ACOT1: variants seen among roughly 807,000 people sequenced by gnomAD.
ACOT1 encodes the protein acyl-coenzyme A thioesterase 1.
A neutral mutation model predicts 15.7 loss-of-function variants in ACOT1; 8 were observed. The ratio of observed to expected loss-of-function variants is 0.51; its 90% CI spans 0.30 to 0.92. The LOEUF is 0.92. Among genes scored for constraint, ACOT1 ranks in the 40% least tolerant of loss-of-function variants. ACOT1 has a pLI of 0.06. For missense variants in ACOT1, 151 were observed against 539.4 expected (o/e 0.28, Z 7.13); for synonymous variants, 67 against 241.2 (o/e 0.28, Z 6.69).
At chr14:73,535,691 G>T (rs1888846141), upstream of ACOT1, among the ~76,000 whole-genome samples, 2 of 111,634 alleles carry the variant, frequency 1.8e-5, 1 homozygote, top group South Asian at 5.7e-4. Flanking sequence ...GTGTTAGCCA[G>T]GATGGTGTCG....
chr14:73,533,787 C>T (rs1406565246), upstream of ACOT1, among the ~76,000 whole-genome samples: 24 of 105,804 alleles, frequency 2.3e-4, 10 homozygotes, highest in Admixed American at 2.5e-3. Flanking sequence ...GCAGCTCATG[C>T]GTGTAATTCT....
chr14:73,493,594 T>G, the ACOT1 span, among the ~76,000 whole-genome samples: 20 of 152,136 alleles, frequency 1.3e-4, no homozygotes, highest in African/African-American at 4.8e-4. Context: ...TCCTAGCACT[T>G]TAGGAGGCCG....
At chr14:73,508,226 T>G in the ACOT1 span, 1 of 1,614,066 alleles carries the variant, frequency 6.2e-7, no homozygotes, top group Non-Finnish European at 8.5e-7. Flanking sequence ...ATCCTCTTAA[T>G]CACAGGGTAA....
chr14:73,499,058 ACTT>A, the ACOT1 span: 11 of 1,610,968 alleles, frequency 6.8e-6, no homozygotes, highest in African/African-American at 1.3e-4. Context: ...TTGGGGCACT[ACTT>A]CTATAATACC....
the ACOT1 span, among the ~76,000 whole-genome samples, chr14:73,507,595 G>C: frequency 6.6e-6 from 1 of 151,814 alleles, no homozygotes; most frequent in African/African-American, 2.4e-5. Context: ...CACCATGCCT[G>C]ACTAATTTTA....
At chr14:73,517,010 C>G in the ACOT1 span, among the ~76,000 whole-genome samples, 1 of 152,320 alleles carries the variant, frequency 6.6e-6, no homozygotes, top group South Asian at 2.1e-4. Flanking sequence ...GGTACAGTGG[C>G]TCATGCCTAT....
chr14:73,537,275 T>C lies in ACOT1; in HGVS notation c.-147T>C. ...ATTTGGTCTGGCTGATCGGCTGGAC[T>C]CTGGCCTTCCCCGCTCACATTAGCA... is the stretch of plus-strand genomic sequence containing the variant. On this transcript the variant is annotated 5_prime_UTR_variant, in exon 1 of 3. Coordinates refer to ENST00000311148, the MANE Select transcript of ACOT1 (RefSeq NM_001037161.2). 1 of 716,748 alleles carries C rather than the reference T, an allele frequency of 1.4e-6. No homozygotes were observed. The highest frequency in any genetic ancestry group is 2.1e-5 in the South Asian group (1 of 48,632). The allele number at this position is 716,748 out of a possible 1,614,324, so 44.4% of individuals were successfully genotyped here.
the ACOT1 span, chr14:73,523,065 T>A: frequency 3.1e-6 from 5 of 1,613,778 alleles, no homozygotes; most frequent in Non-Finnish European, 3.4e-6. Flanking sequence ...TTTGAGTAGT[T>A]TAAAATCATG....
chr14:73,524,310 A>AAAAAATATATATATATATATAT, the ACOT1 span, among the ~76,000 whole-genome samples: 3 of 54,780 alleles, frequency 5.5e-5, no homozygotes, highest in African/African-American at 1.8e-4. Flanking sequence ...AAAAAAAAAA[A>AAAAAATATATATATATATATAT]ATATATATAT....
chr14:73,524,028 C>T, the ACOT1 span, among the ~76,000 whole-genome samples: 3 of 151,954 alleles, frequency 2.0e-5, no homozygotes, highest in East Asian at 1.9e-4. Context: ...CAGTGGCTCA[C>T]GCCTGTAATC....
intron 1 of ACOT1, among the ~76,000 whole-genome samples, chr14:73,540,739 ATTC>A (rs1158822670): frequency 9.6e-6 from 1 of 103,812 alleles, no homozygotes; most frequent in Non-Finnish European, 1.9e-5. Context: ...AGGTGTTTGC[ATTC>A]TTTTTTTTTT....
At chr14:73,509,995 TC>T in the ACOT1 span, among the ~76,000 whole-genome samples, 44 of 150,622 alleles carry the variant, frequency 2.9e-4, no homozygotes, top group African/African-American at 1.0e-3. Context: ...TGCCTCAGCC[TC>T]CCGAGTAGCT....
the ACOT1 span, chr14:73,523,319 T>A: frequency 1.5e-5 from 9 of 619,892 alleles, no homozygotes; most frequent in Non-Finnish European, 2.2e-5. Flanking sequence ...GAAAAACAGA[T>A]GGAAAGGGGG....
At chr14:73,531,899 G>A in the ACOT1 span, among the ~76,000 whole-genome samples, 1 of 113,804 alleles carries the variant, frequency 8.8e-6, no homozygotes, top group Non-Finnish European at 1.9e-5. Context: ...GGGCCTGGTG[G>A]CGCATGCCTG....
At chr14:73,506,786 C>T in the ACOT1 span, among the ~76,000 whole-genome samples, 6 of 119,662 alleles carry the variant, frequency 5.0e-5, no homozygotes, top group South Asian at 1.4e-3. Flanking sequence ...CTGGGACCTT[C>T]CTTTCCTGAC....
At chr14:73,540,742 C>CT (rs200357086) in intron 1 of ACOT1, among the ~76,000 whole-genome samples, 6,456 of 81,028 alleles carry the variant, frequency 0.08, 123 homozygotes, top group African/African-American at 0.13. Flanking sequence ...TGTTTGCATT[C>CT]TTTTTTTTTT....
the ACOT1 span, among the ~76,000 whole-genome samples, chr14:73,494,253 C>T: frequency 6.6e-6 from 1 of 152,130 alleles, no homozygotes; most frequent in Non-Finnish European, 1.5e-5. Context: ...ACCAGAAGAC[C>T]TGGGTTTGGG....
chr14:73,518,466 G>A, the ACOT1 span, among the ~76,000 whole-genome samples: 1 of 151,902 alleles, frequency 6.6e-6, no homozygotes, highest in Admixed American at 6.6e-5. Context: ...GCACACCACT[G>A]GGCCCATCTG....
chr14:73,538,730 C>T lies in ACOT1; in HGVS notation c.457+852C>T, dbSNP rs1288878088. Among the ~76,000 whole-genome samples, 2 of 113,442 alleles carry T rather than the reference C, an allele frequency of 1.8e-5. 1 individual carries two copies. The highest frequency in any genetic ancestry group is 3.8e-5 in the Non-Finnish European group (2 of 52,382). 74.4% of individuals were successfully genotyped at this position (113,442 alleles called of 152,430 possible). Reference sequence around the variant, plus strand: ...CGGTGGCTAACACCTGTAATCCTAGCACTTTGGGAGGCCGAGGCAGGCGGA... The same window carrying T: ...CGGTGGCTAACACCTGTAATCCTAGTACTTTGGGAGGCCGAGGCAGGCGGA... On this transcript the variant is annotated intron_variant, in intron 1 of 2. Transcript: ENST00000311148.
Sources: gnomAD v4.1 joint callset for allele counts (sites outside exome capture counted in the v4.1 genomes callset) on GRCh38, gnomAD v4.1.1 for gene constraint, MANE v1.5 for transcripts, NCBI Gene and HGNC (gene_info 2026-07-23, HGNC 2026-07-21) for gene names.